The following KDM4C variants were observed in gnomAD, a reference collection of about 807,000 sequenced individuals.
The protein encoded by KDM4C is lysine demethylase 4C, also known as lysine-specific demethylase 4C.
In KDM4C, 81 loss-of-function variants were observed where a neutral mutation model predicts 129.3. The ratio of observed to expected loss-of-function variants is 0.63; its 90% CI spans 0.52 to 0.75. The LOEUF (loss-of-function observed/expected upper bound fraction) is 0.75, where lower values mean the gene tolerates loss of function less well. KDM4C is among the 30% of genes least tolerant of loss of function. The pLI is 0.00. For synonymous variants in KDM4C, 573 were observed against 456.1 expected (o/e 1.26, Z -3.26); for missense variants, 1,457 against 1,304.0 (o/e 1.12, Z -1.81).
At chr9:6,848,501 C>T (rs1838259152) in intron 4 of KDM4C, among the ~76,000 whole-genome samples, 1 of 151,978 alleles carries the variant, frequency 6.6e-6, no homozygotes, top group African/African-American at 2.4e-5. Flanking sequence ...ACTCCTGTCT[C>T]TACTCAAAAT....
chr9:6,907,305 A>C (rs563985932), intron 8 of KDM4C, among the ~76,000 whole-genome samples: 1 of 152,348 alleles, frequency 6.6e-6, no homozygotes, highest in South Asian at 2.1e-4. Flanking sequence ...GGCCAGAGGA[A>C]TGAACTTGAG....
intron 17 of KDM4C, among the ~76,000 whole-genome samples, chr9:7,059,664 TC>T (rs1375516446): frequency 2.0e-5 from 3 of 152,178 alleles, no homozygotes. Flanking sequence ...TTCATATACT[TC>T]AACCAAACAA....
intron 19 of KDM4C, among the ~76,000 whole-genome samples, chr9:7,134,893 T>G (rs1406574515): frequency 6.6e-6 from 1 of 152,206 alleles, no homozygotes; most frequent in African/African-American, 2.4e-5. Flanking sequence ...CTGTAAACCT[T>G]GTGCCTTTCA....
chr9:7,140,870 G>C (rs1321570807), intron 19 of KDM4C, among the ~76,000 whole-genome samples: 1 of 152,224 alleles, frequency 6.6e-6, no homozygotes, highest in African/African-American at 2.4e-5. Context: ...GATCCAGTAA[G>C]AGCATGTAAC....
At chr9:7,148,126 A>G (rs1303501357) in intron 19 of KDM4C, among the ~76,000 whole-genome samples, 1 of 152,228 alleles carries the variant, frequency 6.6e-6, no homozygotes, top group African/African-American at 2.4e-5. Flanking sequence ...TGGACCAGAT[A>G]TACGACAAGC....
intron 12 of KDM4C, among the ~76,000 whole-genome samples, chr9:7,007,063 G>A (rs7025832): frequency 0.19 from 29,368 of 152,108 alleles, 3,304 homozygotes; most frequent in South Asian, 0.46. Context: ...GTTAGTATCT[G>A]GTTTCCCCAT....
intron 1 of KDM4C, among the ~76,000 whole-genome samples, chr9:6,763,462 A>C (rs557226020): frequency 3.3e-5 from 5 of 150,276 alleles, no homozygotes; most frequent in African/African-American, 1.2e-4. Flanking sequence ...AGTCTTAAGC[A>C]ATCATGCCAT....
intron 18 of KDM4C, among the ~76,000 whole-genome samples, chr9:7,121,137 C>T (rs565642958): frequency 1.6e-4 from 25 of 152,102 alleles, no homozygotes; most frequent in Non-Finnish European, 2.4e-4. Context: ...CAAGATTTAG[C>T]GGTTTAAACC....
At chr9:7,028,090 A>C (rs999220884) in intron 15 of KDM4C, among the ~76,000 whole-genome samples, 14 of 152,128 alleles carry the variant, frequency 9.2e-5, no homozygotes, top group African/African-American at 3.1e-4. Flanking sequence ...TCCTGTGGCC[A>C]AGCTGGTACC....
At chr9:6,810,338 G>A (rs1169938461) in intron 3 of KDM4C, among the ~76,000 whole-genome samples, 2 of 152,078 alleles carry the variant, frequency 1.3e-5, no homozygotes, top group Admixed American at 1.3e-4. Flanking sequence ...TATAGTATCT[G>A]GGATATGGTA....
At chr9:6,767,036 T>G (rs1406868542) in intron 1 of KDM4C, among the ~76,000 whole-genome samples, 2 of 152,208 alleles carry the variant, frequency 1.3e-5, no homozygotes, top group Admixed American at 1.3e-4. Flanking sequence ...ATCAGATACT[T>G]TGAATGGTCA....
At chr9:7,091,859 GAGA>G (rs1835843327) in intron 17 of KDM4C, among the ~76,000 whole-genome samples, 1 of 152,230 alleles carries the variant, frequency 6.6e-6, no homozygotes, top group African/African-American at 2.4e-5. Context: ...AGATTAGATT[GAGA>G]AGAAGGAAGA....
intron 8 of KDM4C, among the ~76,000 whole-genome samples, chr9:6,911,681 A>T (rs200306192): frequency 6.6e-6 from 1 of 152,236 alleles, no homozygotes; most frequent in Non-Finnish European, 1.5e-5. Context: ...TGATCTCTAA[A>T]ATAAGTTATT....
chr9:7,013,661 A>G, intron 13 of KDM4C, 127 bp from the exon 14 acceptor site: 2 of 834,760 alleles, frequency 2.4e-6, no homozygotes, highest in Admixed American at 2.8e-5. Flanking sequence ...AGTTTGGTCA[A>G]GGAGAACAAC....
In KDM4C at chr9:6,822,665, A is replaced by G. The variant is rs547208146; in HGVS notation, c.435+7920A>G. On this transcript the variant is annotated intron_variant, in intron 4 of 21. Coordinates refer to ENST00000381309, the MANE Select transcript of KDM4C (RefSeq NM_015061.6). The stretch of plus-strand genomic sequence containing the variant: ...AATTAGCCTTTGTTAACAAGCCTTT[A>G]CATTAAAATACTCAGCCTTCTGTTA... 9.8e-5 allele frequency among the ~76,000 whole-genome samples: 15 copies of G among 152,374 alleles called. No individual in the cohort carries two copies. In the South Asian group the frequency reaches 1.4e-3, roughly 15 times the overall value.
intron 4 of KDM4C, among the ~76,000 whole-genome samples, chr9:6,829,708 CTTCTT>C (rs1248963730): frequency 6.6e-6 from 1 of 152,174 alleles, no homozygotes; most frequent in Non-Finnish European, 1.5e-5. Context: ...CTCTGGAGCT[CTTCTT>C]GTCTTGGATT....
At chr9:6,925,410 T>G in intron 8 of KDM4C, 1 of 977,794 alleles carries the variant, frequency 1.0e-6, no homozygotes, top group Non-Finnish European at 1.2e-6. Flanking sequence ...TTCCTTCCCT[T>G]TCCCTTTCCC....
chr9:7,069,769 A>G (rs891103155), intron 17 of KDM4C, among the ~76,000 whole-genome samples: 2 of 152,222 alleles, frequency 1.3e-5, no homozygotes, highest in Non-Finnish European at 2.9e-5. Flanking sequence ...GGTAAAGGGA[A>G]GGTAAAGTCA....
chr9:6,807,138 C>T, intron 3 of KDM4C, among the ~76,000 whole-genome samples: 1 of 151,962 alleles, frequency 6.6e-6, no homozygotes, highest in East Asian at 1.9e-4. Context: ...GATCCGCCAG[C>T]CTCGGCCTCC....
Sources: gnomAD v4.1 joint callset for allele counts (sites outside exome capture counted in the v4.1 genomes callset) on GRCh38, gnomAD v4.1.1 for gene constraint, MANE v1.5 for transcripts, NCBI Gene and HGNC (gene_info 2026-07-23, HGNC 2026-07-21) for gene names.